Variants in CLIP3 observed in about 807,000 individuals in gnomAD.
CLIP3 encodes the protein CAP-Gly domain-containing linker protein 3.
CLIP3 carries 15 observed loss-of-function variants against 59.4 expected under a neutral mutation model. The ratio of observed to expected loss-of-function variants is 0.25; its 90% confidence interval spans 0.17 to 0.39. The LOEUF (loss-of-function observed/expected upper bound fraction) is 0.39. CLIP3 is among the 10% of genes least tolerant of loss of function. CLIP3 has a pLI of 1.00. For missense variants in CLIP3, 495 were observed against 765.7 expected, an observed-to-expected ratio of 0.65 and a Z score of 4.17; for synonymous variants, 300 against 321.6, an observed-to-expected ratio of 0.93 and a Z score of 0.72.
Position 36,016,883 on chromosome 19 carries a change from A to T in CLIP3, c.1589+24T>A. 1.2e-6 allele frequency: 2 copies of T among 1,610,276 alleles called. No homozygotes were observed. Among genetic ancestry groups the T allele is most frequent in the Non-Finnish European group, 1.7e-6 (2 of 1,177,440 alleles). On this transcript the variant is annotated intron_variant, in intron 13 of 13. Coordinates refer to ENST00000360535, the MANE Select transcript of CLIP3 (RefSeq NM_015526.3). The surrounding 1 kb of genome is among the most constrained non-coding windows in gnomAD (Gnocchi z 4.1). ...CCTCTCCCTGAATGTCACATAGGAG[A>T]GGGGACAGGGGTTGGCCACACACCT...
In CLIP3 at chr19:36,018,243, A is replaced by G. The variant is rs376021201; in HGVS notation, c.1184-252T>C. Among the ~76,000 whole-genome samples, 4 of 152,260 alleles carry G rather than the reference A, an allele frequency of 2.6e-5. No individual in the cohort carries two copies. In the East Asian group the frequency reaches 7.7e-4, roughly 29 times the overall value. On this transcript the variant is annotated intron_variant, in intron 9 of 13. Coordinates refer to ENST00000360535, the MANE Select transcript of CLIP3 (RefSeq NM_015526.3). ...GGAAAAGCTGAGTCAGAAGTCAGGAACCCAGAAACTGTCCTTTTAAAATGA... is the reference window on the plus strand; with the variant it reads ...GGAAAAGCTGAGTCAGAAGTCAGGAGCCCAGAAACTGTCCTTTTAAAATGA...
intron 7 of CLIP3, among the ~76,000 whole-genome samples, chr19:36,022,427 C>G (rs893728517): frequency 2.6e-5 from 4 of 152,180 alleles, no homozygotes; most frequent in African/African-American, 9.7e-5. Context: ...TGAGATTTAC[C>G]TGGGCAAGTC....
chr19:36,026,756 T>C lies in CLIP3; in HGVS notation c.401-9A>G, dbSNP rs1343807161. The C allele has an allele frequency of 6.3e-7, 1 of 1,589,474 alleles. No individual in the cohort carries two copies. Among genetic ancestry groups the C allele is most frequent in the African/African-American group, 1.3e-5 (1 of 74,538 alleles). On this transcript the variant is annotated splice_polypyrimidine_tract_variant and intron_variant, in intron 4 of 13. Coordinates refer to ENST00000360535, the MANE Select transcript of CLIP3 (RefSeq NM_015526.3). The surrounding 1 kb of genome is among the most constrained non-coding windows in gnomAD (Gnocchi z 6.3). Reference sequence around the variant, plus strand: ...GGCTGCCGCGGGGTCCCCTGCGCGATAGGCCGGGTCAGCTTGGAACCCCCA... The same window carrying C: ...GGCTGCCGCGGGGTCCCCTGCGCGACAGGCCGGGTCAGCTTGGAACCCCCA...
chr19:36,028,074 C>A (rs1021867075), intron 2 of CLIP3, among the ~76,000 whole-genome samples: 4 of 152,094 alleles, frequency 2.6e-5, no homozygotes, highest in African/African-American at 9.7e-5. Flanking sequence ...CGGTGGCTCA[C>A]GCCTGTAATC....
In CLIP3 at chr19:36,024,678, C is replaced by G. The variant is rs548049766; in HGVS notation, c.682-46G>C. The G allele has an allele frequency of 1.9e-6, 3 of 1,577,614 alleles. No homozygotes were observed. The African/African-American group carries it at 4.0e-5, about 21-fold the overall frequency. ...AAGGCAGGGACTCAGTGGCACAGGT[C>G]ACACCCCCATGGAGGCCCTGCCCCT... On this transcript the variant is annotated intron_variant, in intron 6 of 13. Coordinates refer to ENST00000360535, the MANE Select transcript of CLIP3 (RefSeq NM_015526.3).
intron 9 of CLIP3, 142 bp downstream of exon 9, chr19:36,018,756 C>T: frequency 1.7e-6 from 2 of 1,166,016 alleles, no homozygotes; most frequent in Non-Finnish European, 2.4e-6. Flanking sequence ...AAAGGGGAAA[C>T]TGAGTCACAG....
chr19:36,015,225 A>C lies in CLIP3; in HGVS notation c.*933T>G, dbSNP rs1968760809. The C allele has an allele frequency of 6.6e-6, 1 of 152,138 alleles. No individual in the cohort carries two copies. Among genetic ancestry groups the C allele is most frequent in the African/African-American group, 2.4e-5 (1 of 41,396 alleles). 9.4% of individuals were successfully genotyped at this position (152,138 alleles called of 1,614,324 possible). ...TGGGATTCCATGATTTGGGGGTCCTAGGAGTTACGGCATTGGGGTCTTCTA... is the reference window on the plus strand; with the variant it reads ...TGGGATTCCATGATTTGGGGGTCCTCGGAGTTACGGCATTGGGGTCTTCTA... On this transcript the variant is annotated 3_prime_UTR_variant, in exon 14 of 14. Transcript: ENST00000360535.
At chr19:36,023,915 C>T (rs1315251056) in intron 7 of CLIP3, among the ~76,000 whole-genome samples, 1 of 152,118 alleles carries the variant, frequency 6.6e-6, no homozygotes, top group African/African-American at 2.4e-5. Flanking sequence ...GCTGTGATAC[C>T]CGCTCCCCCA....
At chr19:36,017,272 C>G (rs189271993) in intron 12 of CLIP3, 114 bp downstream of exon 12, 14 of 1,072,008 alleles carry the variant, frequency 1.3e-5, no homozygotes, top group Admixed American at 1.1e-4. Context: ...TTTCCTGGAC[C>G]CTGTGTCCCC....
rs1394201833 is a variant in CLIP3, at chr19:36,016,264, T to C, written c.1590-52A>G. On this transcript the variant is annotated intron_variant, in intron 13 of 13. Coordinates refer to ENST00000360535, the MANE Select transcript of CLIP3 (RefSeq NM_015526.3). This position sits in a 1 kb window ranked among gnomAD's most constrained non-coding sequence, Gnocchi z 4.1. ...CCCTTAGGCAGGCAGCGGGGACATC[T>C]GCACCCATCACCCCCAGCCTTTCCC... The C allele has an allele frequency of 1.2e-6, 2 of 1,600,536 alleles. No homozygotes were observed. Among genetic ancestry groups the C allele is most frequent in the Non-Finnish European group, 1.7e-6 (2 of 1,168,624 alleles).
rs1969045808 is a variant in CLIP3, at chr19:36,024,613, G to A, written c.701C>T (p.Pro234Leu). ...PALRNRKGQV[P>L]AEVVPDPMDM... ...CATAGGATCTGGGACCACCTCCGCCGGCACCTGTCCTTTTCGATTCTGGGG... is the reference window on the plus strand; with the variant it reads ...CATAGGATCTGGGACCACCTCCGCCAGCACCTGTCCTTTTCGATTCTGGGG... The change falls in exon 7 of 14, where the codon CCG becomes CTG. Residue 234 changes from proline (P) to leucine (L), a missense_variant. Transcript: ENST00000360535. The A allele has an allele frequency of 3.1e-6, 5 of 1,613,988 alleles. No homozygotes were observed. Among genetic ancestry groups the A allele is most frequent in the Non-Finnish European group, 3.4e-6 (4 of 1,180,030 alleles).
rs904091667 is a variant in CLIP3, at chr19:36,017,598, A to AG, written c.1451+56dup. 6 of 1,609,558 alleles carry AG rather than the reference A, an allele frequency of 3.7e-6. No individual in the cohort carries two copies. The African/African-American group carries it at 5.4e-5, about 14-fold the overall frequency. On this transcript the variant is annotated intron_variant, in intron 11 of 13. Transcript: ENST00000360535. ...TGGTCTGGGAGGAGGAGGCCATCTG[A>AG]GGGGGGATCAGGGCTCCAGGTGGTG...
At position 36,026,167 on chromosome 19, in the gene CLIP3, C is replaced by T. The variant is rs1568543254; in HGVS notation, c.661G>A (p.Gly221Ser). Residue 221 changes from glycine (G) to serine (S), a missense_variant, in exon 6 of 14, where the codon GGC (glycine) becomes AGC (serine). Gly to Ser is a moderately conservative substitution (Grantham distance 56). Around this residue, in one of 5 missense-constraint regions of CLIP3, gnomAD observed 194 missense variants for 327.8 expected, o/e 0.59. Transcript: ENST00000360535. The surrounding 1 kb of genome is among the most constrained non-coding windows in gnomAD (Gnocchi z 6.3). ...LGAAKCLLEH[G>S]ANPALRNRKG... is the part of the protein sequence containing the mutation. ...AGTACCCTCAGCGCAGGGTTGGCGCCGTGCTCCAGCAAACATTTGGCGGCG... is the reference window on the plus strand; with the variant it reads ...AGTACCCTCAGCGCAGGGTTGGCGCTGTGCTCCAGCAAACATTTGGCGGCG... The T allele has an allele frequency of 6.2e-7, 1 of 1,613,690 alleles. No individual in the cohort carries two copies. The highest frequency in any genetic ancestry group is 8.5e-7 in the Non-Finnish European group (1 of 1,179,876).
At position 36,029,101 on chromosome 19, in the gene CLIP3, C is replaced by G. The variant is rs555783200; in HGVS notation, c.167-1830G>C. 3.5e-3 allele frequency among the ~76,000 whole-genome samples: 493 copies of G among 140,128 alleles called. 1 individual carries two copies. The highest frequency in any genetic ancestry group is 8.7e-3 in the Admixed American group (112 of 12,864). 91.9% of individuals were successfully genotyped at this position (140,128 alleles called of 152,430 possible). On this transcript the variant is annotated intron_variant, in intron 2 of 13. Transcript: ENST00000360535. The stretch of plus-strand genomic sequence containing the variant: ...CTTTGGGAGGCCAAGGCTGGCAGAT[C>G]ATGAGGTCAGCAGTTCGAGACCAGC...
In CLIP3 at chr19:36,026,901, T is replaced by C. The variant is rs1333205609; in HGVS notation, c.400+51A>G. The C allele has an allele frequency of 6.6e-7, 1 of 1,523,650 alleles. No homozygotes were observed. Among genetic ancestry groups the C allele is most frequent in the Non-Finnish European group, 8.8e-7 (1 of 1,139,534 alleles). 94.4% of individuals were successfully genotyped at this position (1,523,650 alleles called of 1,614,324 possible). On this transcript the variant is annotated intron_variant, in intron 4 of 13. Transcript: ENST00000360535. The surrounding 1 kb of genome is among the most constrained non-coding windows in gnomAD (Gnocchi z 6.3). ...TCTGGGTGGTTTTCAGCGTGTTGGG[T>C]CTGGGGGCCTAGGCTTTGGGGCTTA...
In CLIP3 at chr19:36,024,354, C is replaced by CAAA. The variant is rs769818078; in HGVS notation, c.918+41_918+42insTTT. 4 of 1,538,114 alleles carry CAAA rather than the reference C, an allele frequency of 2.6e-6. No individual in the cohort carries two copies. In the African/African-American group the frequency reaches 5.4e-5, roughly 21 times the overall value. ...CTCCAAGGGATTAAGGGGCTGAGTC[C>CAAA]CACCCCCACCCACCATGCAAACACA... On this transcript the variant is annotated intron_variant, in intron 7 of 13. Transcript: ENST00000360535.
intron 6 of CLIP3, among the ~76,000 whole-genome samples, chr19:36,025,210 T>C (rs1969069320): frequency 6.6e-6 from 1 of 151,996 alleles, no homozygotes; most frequent in African/African-American, 2.4e-5. Context: ...GGGCCACACT[T>C]CAGTGCTGTA....
rs1969295276 is a variant in CLIP3 at position 36,032,583 on chromosome 19, C to G, written c.-59+141G>C. The G allele has an allele frequency of 2.7e-6, 1 of 371,672 alleles. No individual in the cohort carries two copies. Among genetic ancestry groups the G allele is most frequent in the Non-Finnish European group, 4.8e-6 (1 of 209,294 alleles). The allele number at this position is 371,672 out of a possible 1,614,324, so 23.0% of individuals were successfully genotyped here. A position where few individuals can be genotyped will look rare whatever the true frequency, so the allele number is the denominator to read the frequency against. On this transcript the variant is annotated intron_variant, in intron 1 of 13. Coordinates refer to ENST00000360535, the MANE Select transcript of CLIP3 (RefSeq NM_015526.3). The surrounding 1 kb of genome is among the most constrained non-coding windows in gnomAD (Gnocchi z 4.3). ...TGTGTGCGCCCAGCGCCTGCCACCT[C>G]CCCCAGGCCCAGCCCCCCATTCTTC...
chr19:36,026,575 C>G lies in CLIP3; in HGVS notation c.562+11G>C. 3 of 1,613,042 alleles carry G rather than the reference C, an allele frequency of 1.9e-6. No homozygotes were observed. Among genetic ancestry groups the G allele is most frequent in the Non-Finnish European group, 2.5e-6 (3 of 1,179,620 alleles). ...TCCTTGCCCCCTCCCAGCCAGGGCT[C>G]TCCTCCTCACCTCGCGGCCTCGCAC... On this transcript the variant is annotated intron_variant, in intron 5 of 13. Transcript: ENST00000360535. This position sits in a 1 kb window ranked among gnomAD's most constrained non-coding sequence, Gnocchi z 6.3.
Sources: gnomAD v4.1 joint callset for allele counts (sites outside exome capture counted in the v4.1 genomes callset) on GRCh38, gnomAD v4.1.1 for gene constraint, gnomAD v4.1.1 regional missense constraint, Gnocchi (gnomAD v3.1) non-coding constraint, MANE v1.5 for transcripts, NCBI Gene and HGNC (gene_info 2026-07-23, HGNC 2026-07-21) for gene names.